ASIC2: variants seen among roughly 807,000 people sequenced by gnomAD.
ASIC2 encodes the protein acid sensing ion channel subunit 2.
In ASIC2, 25 loss-of-function variants were observed where a neutral mutation model predicts 57.3. The observed-to-expected ratio is 0.44, with a 90% CI of 0.32 to 0.61. The LOEUF (loss-of-function observed/expected upper bound fraction) is 0.61. ASIC2 is among the 20% of genes least tolerant of loss of function. ASIC2 has a pLI of 0.06. For missense variants in ASIC2, 641 were observed against 738.1 expected, an observed-to-expected ratio of 0.87 and a Z score of 1.52; for synonymous variants, 319 against 307.5, an observed-to-expected ratio of 1.04 and a Z score of -0.39.
chr17:33,034,761 G>A (rs755710865), intron 3 of ASIC2, among the ~76,000 whole-genome samples: 13 of 151,778 alleles, frequency 8.6e-5, no homozygotes, highest in South Asian at 2.1e-4. Flanking sequence ...CTTTTCTCTC[G>A]GTCTTTGCTT....
chr17:33,471,550 C>G (rs1406017858), intron 1 of ASIC2, among the ~76,000 whole-genome samples: 1 of 152,116 alleles, frequency 6.6e-6, no homozygotes, highest in Non-Finnish European at 1.5e-5. Context: ...CTGTAAATAG[C>G]TATACCACAA....
intron 3 of ASIC2, among the ~76,000 whole-genome samples, chr17:33,063,564 A>T (rs2141942081): frequency 1.3e-5 from 2 of 152,228 alleles, no homozygotes; most frequent in East Asian, 3.9e-4. Flanking sequence ...TTTGTGGGTA[A>T]CCCAACCTTT....
intron 1 of ASIC2, among the ~76,000 whole-genome samples, chr17:33,476,633 A>G (rs1913238697): frequency 6.6e-6 from 1 of 151,596 alleles, no homozygotes. Context: ...GGTGGATGAC[A>G]GAACTTCCAA....
chr17:33,433,696 C>T (rs528696777), intron 1 of ASIC2, among the ~76,000 whole-genome samples: 1 of 152,050 alleles, frequency 6.6e-6, no homozygotes, highest in African/African-American at 2.4e-5. Context: ...TTGCAGTGAG[C>T]GTAGATCGTG....
intron 1 of ASIC2, among the ~76,000 whole-genome samples, chr17:33,974,785 C>T (rs998116702): frequency 2.0e-5 from 3 of 152,022 alleles, no homozygotes; most frequent in Non-Finnish European, 4.4e-5. Context: ...TCCATCCATT[C>T]ACATCTGTGT....
intron 1 of ASIC2, among the ~76,000 whole-genome samples, chr17:34,130,253 A>AAG (rs539349084): frequency 0.19 from 29,195 of 152,210 alleles, 3,453 homozygotes; most frequent in South Asian, 0.36. Context: ...AAAGCTCCTT[A>AAG]AACCCTTACC....
chr17:33,741,490 T>G lies in ASIC2; in HGVS notation c.555+414488A>C, dbSNP rs1197813980. Among the ~76,000 whole-genome samples, 4 of 152,312 alleles carry G rather than the reference T, an allele frequency of 2.6e-5. No individual in the cohort carries two copies. In the East Asian group the frequency reaches 5.8e-4, roughly 22 times the overall value. ...TCTTTGGGCCTCTTCCCTGCTGGAC[T>G]GCAGAAGTCAATGGAGGCAGATTCA... On this transcript the variant is annotated intron_variant, in intron 1 of 9. Coordinates refer to the ASIC2 transcript ENST00000359872.
chr17:33,590,931 C>T (rs1312981945), intron 1 of ASIC2, among the ~76,000 whole-genome samples: 1 of 152,196 alleles, frequency 6.6e-6, no homozygotes, highest in Non-Finnish European at 1.5e-5. Flanking sequence ...TCAGGAACAG[C>T]TGTGTGTGTT....
At chr17:33,140,367 A>G (rs562860798) in intron 1 of ASIC2, among the ~76,000 whole-genome samples, 1 of 152,300 alleles carries the variant, frequency 6.6e-6, no homozygotes, top group South Asian at 2.1e-4. Flanking sequence ...GGTGTAGTGG[A>G]AAAAGCAGGA....
intron 3 of ASIC2, among the ~76,000 whole-genome samples, chr17:33,087,310 T>A (rs2092138061): frequency 6.6e-6 from 1 of 152,162 alleles, no homozygotes. Context: ...GTTTCTACCT[T>A]GCATACCCTT....
chr17:33,111,834 GC>G, intron 2 of ASIC2, 82 bp downstream of exon 2: 3 of 1,526,050 alleles, frequency 2.0e-6, no homozygotes, highest in African/African-American at 1.4e-5. Context: ...CACAGGGTGG[GC>G]CAAGACAGCT....
chr17:33,039,836 TTC>T (rs2091923238), intron 3 of ASIC2, among the ~76,000 whole-genome samples: 1 of 152,164 alleles, frequency 6.6e-6, no homozygotes, highest in African/African-American at 2.4e-5. Flanking sequence ...CCCCATCTTT[TTC>T]TCTCTTTCTT....
intron 1 of ASIC2, among the ~76,000 whole-genome samples, chr17:33,327,877 A>G (rs576385990): frequency 5.5e-4 from 84 of 152,292 alleles, no homozygotes; most frequent in Non-Finnish European, 1.0e-3. Flanking sequence ...TGGTATTCTT[A>G]TAAGTGGAGA....
intron 1 of ASIC2, among the ~76,000 whole-genome samples, chr17:33,313,364 G>A (rs955813990): frequency 6.6e-6 from 1 of 151,706 alleles, no homozygotes; most frequent in African/African-American, 2.4e-5. Flanking sequence ...AAGAAGATGA[G>A]CAGCTCTGCA....
intron 1 of ASIC2, among the ~76,000 whole-genome samples, chr17:33,397,903 C>T (rs563830650): frequency 2.4e-4 from 37 of 152,248 alleles, no homozygotes; most frequent in African/African-American, 7.0e-4. Flanking sequence ...GTTCTTTAGT[C>T]GAATCTTATT....
intron 1 of ASIC2, among the ~76,000 whole-genome samples, chr17:34,115,436 G>T (rs992247968): frequency 7.2e-5 from 11 of 152,154 alleles, no homozygotes; most frequent in African/African-American, 2.7e-4. Context: ...TGGGACTGGA[G>T]GTTGCCTACC....
chr17:33,420,689 T>G (rs980273973), intron 1 of ASIC2, among the ~76,000 whole-genome samples: 1 of 152,148 alleles, frequency 6.6e-6, no homozygotes, highest in African/African-American at 2.4e-5. Context: ...CCCTCCAAAA[T>G]AGTTTGAATT....
At chr17:33,384,967 T>C (rs1448716622) in intron 1 of ASIC2, among the ~76,000 whole-genome samples, 2 of 152,248 alleles carry the variant, frequency 1.3e-5, no homozygotes, top group African/African-American at 4.8e-5. Context: ...GTGAATGCTC[T>C]AAAGTCAGAC....
At chr17:34,076,716 C>T (rs1187974973) in intron 1 of ASIC2, among the ~76,000 whole-genome samples, 1 of 152,166 alleles carries the variant, frequency 6.6e-6, no homozygotes, top group Non-Finnish European at 1.5e-5. Flanking sequence ...TGGTGCAGAG[C>T]TAGAGCCCTA....
Sources: gnomAD v4.1 joint callset for allele counts (sites outside exome capture counted in the v4.1 genomes callset) on GRCh38, gnomAD v4.1.1 for gene constraint, MANE v1.5 for transcripts, NCBI Gene and HGNC (gene_info 2026-07-23, HGNC 2026-07-21) for gene names.